The following HACE1 variants were observed in gnomAD, a reference collection of about 807,000 sequenced individuals.
The protein encoded by HACE1 is E3 ubiquitin-protein ligase HACE1.
In HACE1, 73 loss-of-function variants were observed where a neutral mutation model predicts 118.4. The observed-to-expected ratio is 0.62, with a 90% CI of 0.51 to 0.75. HACE1 has a LOEUF of 0.75. Ranked by LOEUF, HACE1 falls within the 30% of genes least tolerant of loss-of-function variation. The pLI is 0.00. For synonymous variants in HACE1, 368 were observed against 374.8 expected (o/e 0.98, Z 0.21); for missense variants, 749 against 1,102.2 (o/e 0.68, Z 4.54).
At chr6:104,737,247 C>T (rs1419782943) in intron 22 of HACE1, among the ~76,000 whole-genome samples, 5 of 139,652 alleles carry the variant, frequency 3.6e-5, no homozygotes, top group African/African-American at 1.4e-4. Context: ...CGAGCCACTG[C>T]ACTCCAGCCT....
At chr6:104,776,476 C>G (rs777818174) in intron 17 of HACE1, among the ~76,000 whole-genome samples, 2 of 152,074 alleles carry the variant, frequency 1.3e-5, no homozygotes, top group African/African-American at 2.4e-5. Context: ...CTCTTTGGGC[C>G]AACACTAGTC....
intron 6 of HACE1, among the ~76,000 whole-genome samples, chr6:104,825,405 C>G (rs1250039235): frequency 6.6e-6 from 1 of 152,136 alleles, no homozygotes; most frequent in African/African-American, 2.4e-5. Flanking sequence ...TTCACTTCAG[C>G]CTCGGATTGG....
In HACE1 at chr6:104,738,963, G is replaced by A. The variant is rs552177938; in HGVS notation, c.2513+5197C>T. On this transcript the variant is annotated intron_variant, in intron 22 of 23. Transcript: ENST00000262903. ...AAGGGAAGCCCATCAGACTAACAGC[G>A]GATCTCTCGGCAGAAACCCTACAAG... Among the ~76,000 whole-genome samples, 909 of 148,928 alleles carry A rather than the reference G, an allele frequency of 6.1e-3. 4 individuals carry two copies. Among genetic ancestry groups the A allele is most frequent in the Non-Finnish European group, 9.7e-3 (659 of 67,612 alleles).
At chr6:104,838,890 T>TAAAA (rs71003448) in intron 5 of HACE1, among the ~76,000 whole-genome samples, 20 of 58,856 alleles carry the variant, frequency 3.4e-4, no homozygotes, top group African/African-American at 7.6e-4. Flanking sequence ...AACTCCATAG[T>TAAAA]AAAAAAAAAA....
At position 104,859,863 on chromosome 6, in the gene HACE1, T is replaced by C; in HGVS notation, c.-221A>G. On this transcript the variant is annotated 5_prime_UTR_variant, in exon 1 of 24. Coordinates refer to ENST00000262903, the MANE Select transcript of HACE1 (RefSeq NM_020771.4). ...ACAGTACACCCGCCGCCGCCTCTGCTCGCGCCTTTCCTGCAGCCCCCGCCG... is the reference window on the plus strand; with the variant it reads ...ACAGTACACCCGCCGCCGCCTCTGCCCGCGCCTTTCCTGCAGCCCCCGCCG... The C allele has an allele frequency of 2.0e-6, 1 of 499,446 alleles. No individual in the cohort carries two copies. The highest frequency in any genetic ancestry group is 3.5e-6 in the Non-Finnish European group (1 of 284,796). The allele number at this position is 499,446 out of a possible 1,614,324, so 30.9% of individuals were successfully genotyped here.
chr6:104,771,289 T>C lies in HACE1; in HGVS notation c.2115A>G (p.Glu705=). 6.2e-7 allele frequency: 1 copy of C among 1,612,960 alleles called. No individual in the cohort carries two copies. Among genetic ancestry groups the C allele is most frequent in the Non-Finnish European group, 8.5e-7 (1 of 1,178,950 alleles). The change falls in exon 19 of 24, where the codon GAA becomes GAG. Residue 705 remains glutamate (E), a synonymous_variant. Coordinates refer to ENST00000262903, the MANE Select transcript of HACE1 (RefSeq NM_020771.4). The stretch of plus-strand genomic sequence containing the variant: ...CATCAGTCTCAACAGAAAAAGTTAG[T>C]TCTAGACCCAGATCACTTATATCAT... The part of the protein sequence containing the change: ...LDNDISDLGL[E]LTFSVETDVF...
intron 4 of HACE1, among the ~76,000 whole-genome samples, chr6:104,847,450 T>C (rs1775769956): frequency 6.6e-6 from 1 of 152,220 alleles, no homozygotes; most frequent in African/African-American, 2.4e-5. Context: ...TGGCTAATTA[T>C]AAAAACAACT....
intron 14 of HACE1, among the ~76,000 whole-genome samples, chr6:104,778,216 A>G (rs761608313): frequency 3.9e-5 from 6 of 152,162 alleles, no homozygotes; most frequent in Non-Finnish European, 8.8e-5. Flanking sequence ...CTGCCAGGTA[A>G]GCAAACTGTG....
At chr6:104,738,881 C>T (rs974426341) in intron 22 of HACE1, among the ~76,000 whole-genome samples, 25 of 151,098 alleles carry the variant, frequency 1.7e-4, no homozygotes, top group East Asian at 5.8e-4. Flanking sequence ...TTCACCAAAG[C>T]TGAAATGAAG....
At chr6:104,743,847 T>G (rs971118943) in intron 22 of HACE1, among the ~76,000 whole-genome samples, 2 of 151,336 alleles carry the variant, frequency 1.3e-5, no homozygotes, top group African/African-American at 4.9e-5. Context: ...TAAAATAATA[T>G]ACAAATATTA....
intron 22 of HACE1, among the ~76,000 whole-genome samples, chr6:104,733,428 A>G (rs528452540): frequency 6.6e-6 from 1 of 152,252 alleles, no homozygotes; most frequent in South Asian, 2.1e-4. Flanking sequence ...TGATCATGTT[A>G]AGATCATAAT....
intron 19 of HACE1, among the ~76,000 whole-genome samples, chr6:104,763,541 T>C (rs1461952733): frequency 6.6e-6 from 1 of 151,786 alleles, no homozygotes; most frequent in African/African-American, 2.4e-5. Context: ...CAAATTTACA[T>C]GTTACCAATA....
intron 22 of HACE1, among the ~76,000 whole-genome samples, chr6:104,740,474 G>A (rs980531142): frequency 6.6e-6 from 1 of 151,936 alleles, no homozygotes; most frequent in African/African-American, 2.4e-5. Flanking sequence ...ATGATAAAGG[G>A]GATATCACCA....
At chr6:104,764,531 T>G (rs1031382468) in intron 19 of HACE1, among the ~76,000 whole-genome samples, 1 of 152,224 alleles carries the variant, frequency 6.6e-6, no homozygotes, top group Non-Finnish European at 1.5e-5. Context: ...CTTAGAAATC[T>G]CTCTTTGATT....
In HACE1 at chr6:104,775,340, C is replaced by T. The variant is rs556081008; in HGVS notation, c.1864+1401G>A. Among the ~76,000 whole-genome samples the T allele has an allele frequency of 6.5e-4, 98 of 151,810 alleles. 2 individuals are homozygous for T. The highest frequency in any genetic ancestry group is 3.3e-3 in the South Asian group (16 of 4,786). ...TCAAGGCTGCAGTGATCCAAGATTG[C>T]GCCACTGCCCTCTAGCCTGGGTGAC... On this transcript the variant is annotated intron_variant, in intron 17 of 23. Coordinates refer to ENST00000262903, the MANE Select transcript of HACE1 (RefSeq NM_020771.4).
At chr6:104,779,494 AAC>A (rs1781523990) in intron 14 of HACE1, among the ~76,000 whole-genome samples, 1 of 152,316 alleles carries the variant, frequency 6.6e-6, no homozygotes, top group Non-Finnish European at 1.5e-5. Flanking sequence ...CCATACTTGT[AAC>A]AGTCTTCCAC....
chr6:104,839,687 TAAAC>T (rs1774902224), intron 5 of HACE1, among the ~76,000 whole-genome samples: 1 of 152,016 alleles, frequency 6.6e-6, no homozygotes, highest in African/African-American at 2.4e-5. Flanking sequence ...TTAAAATACA[TAAAC>T]ATACACACAC....
chr6:104,798,903 C>T (rs1377787846), intron 7 of HACE1, among the ~76,000 whole-genome samples: 1 of 152,034 alleles, frequency 6.6e-6, no homozygotes, highest in East Asian at 1.9e-4. Context: ...TCCATGTGTC[C>T]AATTTTTTCC....
In HACE1 at chr6:104,744,671, A is replaced by C; in HGVS notation, c.2344-61T>G. On this transcript the variant is annotated intron_variant, in intron 20 of 23. Transcript: ENST00000262903. ...TTTAGGGAAAAAAGTTATTATATTT[A>C]AGTGGTAAATTTGCCATAATTAGAA... 3.1e-6 allele frequency: 3 copies of C among 971,418 alleles called. No individual in the cohort carries two copies. The South Asian group carries it at 4.0e-5, about 13-fold the overall frequency. 60.2% of individuals were successfully genotyped at this position (971,418 alleles called of 1,614,324 possible).
Sources: allele counts gnomAD v4.1 joint callset (sites outside exome capture counted in the v4.1 genomes callset), GRCh38; gene constraint gnomAD v4.1.1; transcripts MANE v1.5; gene names NCBI Gene and HGNC (gene_info 2026-07-23, HGNC 2026-07-21).